The following MAPKBP1 variants were observed in gnomAD, a reference collection of about 807,000 sequenced individuals.
MAPKBP1 encodes mitogen-activated protein kinase-binding protein 1.
A neutral mutation model predicts 170.5 loss-of-function variants in MAPKBP1; 71 were observed. That is an observed-to-expected ratio of 0.42 (90% CI 0.34 to 0.51). MAPKBP1 has a LOEUF of 0.51. Ranked by LOEUF, MAPKBP1 falls within the 20% of genes least tolerant of loss-of-function variation. The probability of loss-of-function intolerance (pLI) is 0.06; values close to 1 mark genes in which losing one functional copy is unlikely to be tolerated. For missense variants in MAPKBP1, 1,598 were observed against 1,933.0 expected (o/e 0.83, Z 3.25); for synonymous variants, 719 against 757.9 (o/e 0.95, Z 0.84).
chr15:41,797,671 C>T (rs2064515142), intron 2 of MAPKBP1, among the ~76,000 whole-genome samples: 1 of 152,170 alleles, frequency 6.6e-6, no homozygotes, highest in Non-Finnish European at 1.5e-5. Context: ...TTACTTTGTT[C>T]CACACTAGGT....
chr15:41,784,354 A>G (rs1046491162), intron 2 of MAPKBP1, among the ~76,000 whole-genome samples: 16 of 152,030 alleles, frequency 1.1e-4, no homozygotes, highest in African/African-American at 3.6e-4. Flanking sequence ...TCAAGAGTTA[A>G]TATGAGCTGG....
intron 10 of MAPKBP1, among the ~76,000 whole-genome samples, chr15:41,815,015 C>T (rs1350698063): frequency 3.9e-5 from 6 of 152,138 alleles, no homozygotes; most frequent in Non-Finnish European, 8.8e-5. Flanking sequence ...CTTGATTCAC[C>T]TAATTGTTCT....
intron 5 of MAPKBP1, chr15:41,811,586 G>T (rs1052673837): frequency 9.8e-6 from 6 of 612,806 alleles, no homozygotes; most frequent in Non-Finnish European, 1.8e-5. Context: ...ACCCCCGGGG[G>T]CCCCCTGCTG....
Position 41,779,083 on chromosome 15 carries a change from C to T in MAPKBP1, c.114+3694C>T, listed in dbSNP as rs543358878. ...CCTGTATAGTTGTGTGGTGGTACTT[C>T]GAGCCTTTTGAGAAGTGACTCTAAG... On this transcript the variant is annotated intron_variant, in intron 2 of 30. Coordinates refer to ENST00000457542, the MANE Select transcript of MAPKBP1 (RefSeq NM_014994.3). 4.9e-4 allele frequency among the ~76,000 whole-genome samples: 74 copies of T among 152,064 alleles called. No individual in the cohort carries two copies. The South Asian group carries it at 0.011, about 22-fold the overall frequency.
At chr15:41,799,755 G>A (rs1343172069) in intron 2 of MAPKBP1, 68 bp from the exon 3 acceptor site, 3 of 1,323,182 alleles carry the variant, frequency 2.3e-6, no homozygotes, top group African/African-American at 2.9e-5. Context: ...ATGGTCCCAA[G>A]TACCTTCAGC....
At chr15:41,820,066 A>T (rs962910784) in intron 22 of MAPKBP1, among the ~76,000 whole-genome samples, 2 of 152,254 alleles carry the variant, frequency 1.3e-5, no homozygotes, top group Non-Finnish European at 2.9e-5. Flanking sequence ...ACAGTTCTAA[A>T]GATCCCGGTT....
chr15:41,783,506 C>T (rs191749472), intron 2 of MAPKBP1, among the ~76,000 whole-genome samples: 1 of 152,238 alleles, frequency 6.6e-6, no homozygotes, highest in Admixed American at 6.5e-5. Context: ...TGAGCAAGTA[C>T]CTTGTCTTGC....
intron 2 of MAPKBP1, among the ~76,000 whole-genome samples, chr15:41,782,827 T>A (rs1343808127): frequency 6.6e-6 from 1 of 152,012 alleles, no homozygotes; most frequent in Non-Finnish European, 1.5e-5. Flanking sequence ...AAAAAAAAAA[T>A]ACTTTGTCCC....
intron 6 of MAPKBP1, 31 bp from the exon 7 acceptor site, chr15:41,812,485 G>A (rs2064822201): frequency 3.1e-6 from 5 of 1,614,078 alleles, no homozygotes; most frequent in Admixed American, 3.3e-5. Flanking sequence ...AAGAGACAGA[G>A]CCTTGATTCT....
At chr15:41,783,855 A>G (rs2064232647) in intron 2 of MAPKBP1, among the ~76,000 whole-genome samples, 1 of 152,146 alleles carries the variant, frequency 6.6e-6, no homozygotes, top group Non-Finnish European at 1.5e-5. Context: ...TAAAAACACA[A>G]AAAATCAGCT....
At chr15:41,780,420 T>A (rs1345301404) in intron 2 of MAPKBP1, among the ~76,000 whole-genome samples, 1 of 152,196 alleles carries the variant, frequency 6.6e-6, no homozygotes, top group Non-Finnish European at 1.5e-5. Flanking sequence ...AGGTTTGAAA[T>A]TGGGGCTATG....
rs1487913557 is a variant in MAPKBP1, at chr15:41,818,618, T to G, written c.2156+36T>G. 2 of 1,581,960 alleles carry G rather than the reference T, an allele frequency of 1.3e-6. No individual in the cohort carries two copies. Among genetic ancestry groups the G allele is most frequent in the Non-Finnish European group, 1.7e-6 (2 of 1,155,544 alleles). On this transcript the variant is annotated intron_variant, in intron 19 of 30. Transcript: ENST00000457542. The surrounding 1 kb of genome is among the most constrained non-coding windows in gnomAD (Gnocchi z 5.2). ...GCCAGCTTCCCTGAGAGGCAGATTC[T>G]TACTCTGCCACAGCACCCTGCCCTC...
At position 41,825,545 on chromosome 15, in the gene MAPKBP1, A is replaced by G. The variant is rs2065076222; in HGVS notation, c.*109A>G. On this transcript the variant is annotated 3_prime_UTR_variant, in exon 31 of 31. Coordinates refer to ENST00000457542, the MANE Select transcript of MAPKBP1 (RefSeq NM_014994.3). ...CTGCTTGGAGTGGAAAGCAGGGAGC[A>G]GTGTTCAGAGGCAAAGCAGCCTTCC... 1.3e-5 allele frequency: 13 copies of G among 998,486 alleles called. No individual in the cohort carries two copies. The South Asian group carries it at 2.1e-4, about 16-fold the overall frequency. 61.9% of individuals were successfully genotyped at this position (998,486 alleles called of 1,614,324 possible).
At chr15:41,795,158 T>C (rs900447458) in intron 2 of MAPKBP1, among the ~76,000 whole-genome samples, 2 of 89,520 alleles carry the variant, frequency 2.2e-5, no homozygotes, top group African/African-American at 7.8e-5. Context: ...AGTGAAACCC[T>C]GTCTCAAAAA....
intron 2 of MAPKBP1, among the ~76,000 whole-genome samples, chr15:41,781,500 G>A (rs1025899917): frequency 1.3e-5 from 2 of 150,996 alleles, no homozygotes; most frequent in African/African-American, 2.4e-5. Context: ...CTGCTATGCC[G>A]GGCATGGTGG....
intron 3 of MAPKBP1, among the ~76,000 whole-genome samples, chr15:41,804,145 C>T (rs1044056598): frequency 9.9e-5 from 15 of 152,222 alleles, no homozygotes; most frequent in African/African-American, 3.1e-4. Context: ...CGGCCACTTT[C>T]TGCTTATTTT....
At chr15:41,805,542 C>CG (rs2064675536) in intron 3 of MAPKBP1, among the ~76,000 whole-genome samples, 1 of 152,184 alleles carries the variant, frequency 6.6e-6, no homozygotes, top group South Asian at 2.1e-4. Flanking sequence ...AGCAAGGTGA[C>CG]GGGGTGTATC....
intron 2 of MAPKBP1, among the ~76,000 whole-genome samples, chr15:41,777,132 G>C (rs986712624): frequency 6.6e-6 from 1 of 152,162 alleles, no homozygotes; most frequent in Admixed American, 6.5e-5. Context: ...CACTAGGTCA[G>C]GAGTTCGAAA....
At position 41,827,847 on chromosome 15, in the gene MAPKBP1, G is replaced by T; in HGVS notation, c.*2411G>T. 1 of 424,776 alleles carries T rather than the reference G, an allele frequency of 2.4e-6. No homozygotes were observed. Among genetic ancestry groups the T allele is most frequent in the Non-Finnish European group, 4.1e-6 (1 of 241,166 alleles). The allele number at this position is 424,776 out of a possible 1,614,324, so 26.3% of individuals were successfully genotyped here. ...TATGAACTTGTCAATAAACACAATT[G>T]TTTGTTAACCCTGGGATGCCGGCCA... On this transcript the variant is annotated 3_prime_UTR_variant, in exon 31 of 31. Coordinates refer to ENST00000457542, the MANE Select transcript of MAPKBP1 (RefSeq NM_014994.3).
Sources: allele counts gnomAD v4.1 joint callset (sites outside exome capture counted in the v4.1 genomes callset), GRCh38; gene constraint gnomAD v4.1.1; non-coding constraint Gnocchi (gnomAD v3.1); transcripts MANE v1.5; gene names NCBI Gene and HGNC (gene_info 2026-07-23, HGNC 2026-07-21).